The following HEPHL1 variants were observed in gnomAD, a reference collection of about 807,000 sequenced individuals.
The protein encoded by HEPHL1 is hephaestin like 1, also known as ferroxidase HEPHL1.
Under a neutral mutation model 122.0 loss-of-function variants are expected in HEPHL1, and 123 were observed. The ratio of observed to expected loss-of-function variants is 1.01; its 90% CI spans 0.87 to 1.17. HEPHL1 has a LOEUF of 1.17. Ranked by LOEUF, HEPHL1 falls within the 50% of genes most tolerant of loss-of-function variation. The pLI, the probability that HEPHL1 is intolerant of heterozygous loss-of-function variation, is 0.00. For synonymous variants in HEPHL1, 527 were observed against 508.9 expected, an observed-to-expected ratio of 1.04 and a Z score of -0.48; for missense variants, 1,452 against 1,430.5, an observed-to-expected ratio of 1.01 and a Z score of -0.24.
intron 1 of HEPHL1, among the ~76,000 whole-genome samples, chr11:94,031,331 TACACACACACACACACAC>T (rs3058474): frequency 1.4e-5 from 2 of 144,606 alleles, no homozygotes; most frequent in South Asian, 4.7e-4. Context: ...TGTGCATTGT[TACACACACACACACACAC>T]ACACACACAC....
chr11:94,044,894 G>C (rs899970625), intron 1 of HEPHL1, among the ~76,000 whole-genome samples: 1 of 151,760 alleles, frequency 6.6e-6, no homozygotes, highest in Admixed American at 6.6e-5. Flanking sequence ...TCCCAAAGTG[G>C]GATTACAGGC....
intron 1 of HEPHL1, among the ~76,000 whole-genome samples, chr11:94,028,590 T>G (rs987180699): frequency 1.1e-4 from 16 of 152,206 alleles, no homozygotes; most frequent in African/African-American, 3.9e-4. Context: ...ATGTTAACCT[T>G]CCTGGCCCCA....
intron 7 of HEPHL1, 31 bp downstream of exon 7, chr11:94,073,195 C>A: frequency 6.2e-7 from 1 of 1,611,578 alleles, no homozygotes. Context: ...ATGCATTGAA[C>A]CCAGGGAGAT....
chr11:94,104,309 C>A (rs1018617221), intron 15 of HEPHL1, among the ~76,000 whole-genome samples: 1 of 151,948 alleles, frequency 6.6e-6, no homozygotes, highest in African/African-American at 2.4e-5. Flanking sequence ...CTGTAGGCCA[C>A]GGAAAATCAC....
intron 18 of HEPHL1, 46 bp from the exon 19 acceptor site, chr11:94,111,490 TC>T (rs1946448378): frequency 7.1e-7 from 1 of 1,404,608 alleles, no homozygotes. Flanking sequence ...ATGAAAAGAA[TC>T]CCCTTCTGTT....
At chr11:94,031,587 T>A (rs1945676067) in intron 1 of HEPHL1, among the ~76,000 whole-genome samples, 1 of 152,206 alleles carries the variant, frequency 6.6e-6, no homozygotes. Context: ...TTAAACAGGA[T>A]TCCTCTCTTG....
chr11:94,037,027 C>T (rs1037593587), intron 1 of HEPHL1, among the ~76,000 whole-genome samples: 9 of 152,066 alleles, frequency 5.9e-5, no homozygotes, highest in Admixed American at 2.6e-4. Flanking sequence ...GTGCACGAGC[C>T]GAAGCAGGGC....
At chr11:94,041,926 A>G (rs1945784466) in intron 1 of HEPHL1, among the ~76,000 whole-genome samples, 1 of 84,392 alleles carries the variant, frequency 1.2e-5, no homozygotes. Context: ...CTACCATCAG[A>G]GTGAATAGGC....
chr11:94,111,163 A>T, intron 18 of HEPHL1, 98 bp downstream of exon 18: 1 of 924,418 alleles, frequency 1.1e-6, no homozygotes. Flanking sequence ...AGCCCTCAAC[A>T]AGCTCAGAGT....
At chr11:94,054,376 G>A (rs7110588) in intron 2 of HEPHL1, among the ~76,000 whole-genome samples, 88,467 of 152,010 alleles carry the variant, frequency 0.58, 25,918 homozygotes, top group South Asian at 0.68. Flanking sequence ...AAGTCCATCC[G>A]GGTATTAGGA....
chr11:94,064,759 T>C (rs919340076), intron 4 of HEPHL1, among the ~76,000 whole-genome samples: 6 of 151,998 alleles, frequency 3.9e-5, no homozygotes, highest in Non-Finnish European at 5.9e-5. Context: ...TTTGGGAAAA[T>C]GGAGGGATCG....
At chr11:94,043,049 A>G (rs1945800823) in intron 1 of HEPHL1, among the ~76,000 whole-genome samples, 1 of 152,082 alleles carries the variant, frequency 6.6e-6, no homozygotes, top group Non-Finnish European at 1.5e-5. Flanking sequence ...AAAGTAGAAC[A>G]GAGAAGTGCT....
chr11:94,093,766 C>G, intron 13 of HEPHL1, 126 bp downstream of exon 13: 1 of 1,065,370 alleles, frequency 9.4e-7, no homozygotes, highest in Non-Finnish European at 1.3e-6. Context: ...CTGCATTCCT[C>G]CAAGTGTAAT....
intron 2 of HEPHL1, among the ~76,000 whole-genome samples, chr11:94,056,657 T>TTATCTATCTATCTATC (rs1555061044): frequency 4.5e-5 from 5 of 111,804 alleles, no homozygotes; most frequent in African/African-American, 1.6e-4. Flanking sequence ...CTATTATTGA[T>TTATCTATCTATCTATC]TATCTATCTA....
intron 6 of HEPHL1, among the ~76,000 whole-genome samples, chr11:94,071,413 T>C (rs577266986): frequency 1.3e-5 from 2 of 152,276 alleles, no homozygotes; most frequent in South Asian, 4.1e-4. Flanking sequence ...GTCTAAAGAA[T>C]TTGTGTGAAC....
chr11:94,044,959 A>C (rs1017346551), intron 1 of HEPHL1, among the ~76,000 whole-genome samples: 1 of 152,006 alleles, frequency 6.6e-6, no homozygotes, highest in East Asian at 1.9e-4. Flanking sequence ...TCTGTCACCC[A>C]GGCTGGCATG....
rs1490486747 is a variant in HEPHL1, at chr11:94,114,114, A to G, written c.*2220A>G. ...CAAGACTTCATTCCCTTGGGTATCC[A>G]TTTTTCCTCCTGCATCTTTCTATGA... On this transcript the variant is annotated 3_prime_UTR_variant, in exon 20 of 20. Transcript: ENST00000315765. Among the ~76,000 whole-genome samples the G allele has an allele frequency of 6.6e-6, 1 of 151,992 alleles. No individual in the cohort carries two copies. The highest frequency in any genetic ancestry group is 1.5e-5 in the Non-Finnish European group (1 of 67,994).
chr11:94,086,222 A>G, intron 11 of HEPHL1, 33 bp downstream of exon 11: 3 of 1,515,054 alleles, frequency 2.0e-6, no homozygotes, highest in East Asian at 4.7e-5. Context: ...AGGTGACCAG[A>G]TTTCTACCTT....
intron 9 of HEPHL1, among the ~76,000 whole-genome samples, chr11:94,076,501 G>T (rs535624313): frequency 6.6e-6 from 1 of 152,112 alleles, no homozygotes; most frequent in East Asian, 1.9e-4. Flanking sequence ...CCCCCGCTGT[G>T]TCCGTTTAAT....
Sources: allele counts gnomAD v4.1 joint callset (sites outside exome capture counted in the v4.1 genomes callset), GRCh38; gene constraint gnomAD v4.1.1; transcripts MANE v1.5; gene names NCBI Gene and HGNC (gene_info 2026-07-23, HGNC 2026-07-21).